The following SHANK1 variants were observed in gnomAD, a reference collection of about 807,000 sequenced individuals.
SHANK1 encodes the protein SH3 and multiple ankyrin repeat domains protein 1.
A neutral mutation model predicts 165.6 loss-of-function variants in SHANK1; 35 were observed. That is an observed-to-expected ratio of 0.21 (90% confidence interval 0.16 to 0.28). SHANK1 has a LOEUF of 0.28. Among genes scored for constraint, SHANK1 ranks in the 10% least tolerant of loss-of-function variants. The pLI is 1.00. For missense variants in SHANK1, 2,681 were observed against 3,036.4 expected, an observed-to-expected ratio of 0.88 and a Z score of 2.75; for synonymous variants, 1,428 against 1,384.8, an observed-to-expected ratio of 1.03 and a Z score of -0.69.
At chr19:50,663,045 G>GTAACCC in intron 23 of SHANK1, 1 of 305,040 alleles carries the variant, frequency 3.3e-6, no homozygotes, top group Non-Finnish European at 6.2e-6. Context: ...CCCCACGACA[G>GTAACCC]CCCTGATGCA....
Position 50,668,344 on chromosome 19 carries a change from G to A in SHANK1, c.3616C>T (p.Pro1206Ser). 1.6e-6 allele frequency: 2 copies of A among 1,262,782 alleles called. No individual in the cohort carries two copies. Among genetic ancestry groups the A allele is most frequent in the Non-Finnish European group, 9.9e-7 (1 of 1,005,594 alleles). The allele number at this position is 1,262,782 out of a possible 1,614,324, so 78.2% of individuals were successfully genotyped here. A position where few individuals can be genotyped will look rare whatever the true frequency, so the allele number is the denominator to read the frequency against. ...ACGGGCGAGGGGGACGGGGGCACGG[G>A]TGACATGGCCGGGGCGGGGCTGGGC... ...SSPSPAPAMSPVPPSPSPVPT... is the reference protein window; with the variant it reads ...SSPSPAPAMSSVPPSPSPVPT... The change falls in exon 23 of 24, where the codon CCC (proline) becomes TCC (serine). Residue 1206 changes from proline (P) to serine (S), a missense_variant. Physicochemically the swap from Pro to Ser is moderately conservative, Grantham distance 74. Around this residue, in one of 10 missense-constraint regions of SHANK1, gnomAD observed 1,713 missense variants for 1,630.2 expected, o/e 1.05. Transcript: ENST00000293441.
Position 50,702,692 on chromosome 19 carries a change from G to A in SHANK1, c.1554-32C>T. On this transcript the variant is annotated intron_variant, in intron 11 of 23. Transcript: ENST00000293441. The surrounding 1 kb of genome is among the most constrained non-coding windows in gnomAD (Gnocchi z 5.3). Reference sequence around the variant, plus strand: ...ACACAGAGGGCATGAGAGGAGGGGAGGGTGGAGGGAGGGGACACCTCTGGG... The same window carrying A: ...ACACAGAGGGCATGAGAGGAGGGGAAGGTGGAGGGAGGGGACACCTCTGGG... 6.8e-7 allele frequency: 1 copy of A among 1,475,936 alleles called. No homozygotes were observed. The highest frequency in any genetic ancestry group is 9.1e-7 in the Non-Finnish European group (1 of 1,094,994). The allele number at this position is 1,475,936 out of a possible 1,614,324, so 91.4% of individuals were successfully genotyped here. A position where few individuals can be genotyped will look rare whatever the true frequency, so the allele number is the denominator to read the frequency against.
chr19:50,710,804 G>A (rs762907644), intron 8 of SHANK1, among the ~76,000 whole-genome samples: 2 of 152,210 alleles, frequency 1.3e-5, no homozygotes, highest in Non-Finnish European at 1.5e-5. Flanking sequence ...CTGCCGTGCC[G>A]CCACGTGGCA....
At chr19:50,693,229 C>T (rs1374458851) in intron 15 of SHANK1, among the ~76,000 whole-genome samples, 1 of 145,734 alleles carries the variant, frequency 6.9e-6, no homozygotes, top group Admixed American at 6.8e-5. Context: ...AATACCCCCC[C>T]ACATTCCCTG....
chr19:50,689,100 G>T, intron 16 of SHANK1, 97 bp downstream of exon 16: 1 of 1,163,364 alleles, frequency 8.6e-7, no homozygotes, highest in Non-Finnish European at 1.3e-6. Flanking sequence ...GGGGTGGTGG[G>T]CGGGCTGGGG....
rs374626042 is a variant in SHANK1 at position 50,697,825 on chromosome 19, C to A, written c.1861+18G>T. The A allele has an allele frequency of 6.2e-7, 1 of 1,600,424 alleles. No individual in the cohort carries two copies. The highest frequency in any genetic ancestry group is 1.3e-5 in the African/African-American group (1 of 74,642). On this transcript the variant is annotated intron_variant, in intron 13 of 23. Transcript: ENST00000293441. The surrounding 1 kb of genome is among the most constrained non-coding windows in gnomAD (Gnocchi z 4.7). Reference sequence around the variant, plus strand: ...GAATCCTAGGGTCCATTGAACACTGCTGGGGGTTCCGCATTACCTTGCTTG... The same window carrying A: ...GAATCCTAGGGTCCATTGAACACTGATGGGGGTTCCGCATTACCTTGCTTG...
At chr19:50,707,950 TCTTTTCTTTTC>T (rs2123188510) in intron 8 of SHANK1, among the ~76,000 whole-genome samples, 1 of 114,666 alleles carries the variant, frequency 8.7e-6, no homozygotes, top group South Asian at 2.6e-4. Context: ...TCTTTTCTTT[TCTTTTCTTTTC>T]TTTTGAGATG....
intron 12 of SHANK1, among the ~76,000 whole-genome samples, chr19:50,700,567 T>C: frequency 6.6e-6 from 1 of 152,046 alleles, no homozygotes. Context: ...GCTGTGATTC[T>C]GAGAGTAGCA....
chr19:50,662,456 G>C lies in SHANK1; in HGVS notation c.5995C>G (p.Pro1999Ala). The change falls in exon 24 of 24, where the codon CCC becomes GCC. Residue 1999 changes from proline to alanine, a missense_variant. This residue lies in a region of SHANK1 where 1,713 missense variants were observed against 1,630.2 expected (regional missense o/e 1.05). Transcript: ENST00000293441. The surrounding 1 kb of genome is among the most constrained non-coding windows in gnomAD (Gnocchi z 7.7). Reference protein sequence around the residue: ...EMRPPLLRRAPSPSLLPASEH... With the variant: ...EMRPPLLRRAASPSLLPASEH... ...GAGGCGGGCAGCAGCGAGGGGCTGG[G>C]GGCCCGGCGGAGCAGAGGGGGCCGC... is the stretch of plus-strand genomic sequence containing the variant. 1.3e-6 allele frequency: 2 copies of C among 1,549,622 alleles called. No homozygotes were observed. Among genetic ancestry groups the C allele is most frequent in the Non-Finnish European group, 1.7e-6 (2 of 1,147,842 alleles).
Position 50,714,168 on chromosome 19 carries a change from G to T in SHANK1, c.640+14C>A, listed in dbSNP as rs200042833. On this transcript the variant is annotated intron_variant, in intron 5 of 23. Transcript: ENST00000293441. ...CCTGGCCCTGAGGTCCTCCTGATGC[G>T]CACCCCTCCCTACCTCCCGAATCCG... 1,270 of 1,609,492 alleles carry T rather than the reference G, an allele frequency of 7.9e-4. No homozygotes were observed. The highest frequency in any genetic ancestry group is 8.7e-4 in the Non-Finnish European group (1,029 of 1,176,040).
rs1986948083 is a variant in SHANK1 at position 50,702,439 on chromosome 19, G to GCCCAT, written c.1747+27_1747+28insATGGG. On this transcript the variant is annotated intron_variant, in intron 12 of 23. Coordinates refer to ENST00000293441, the MANE Select transcript of SHANK1 (RefSeq NM_016148.5). This position sits in a 1 kb window ranked among gnomAD's most constrained non-coding sequence, Gnocchi z 5.3. ...CTGATCGCCCCCACAGCCCAGCCCA[G>GCCCAT]CCCAGGCCCTGCTTCCACCCTGGGT... 6.3e-7 allele frequency: 1 copy of GCCCAT among 1,588,870 alleles called. No individual in the cohort carries two copies. The highest frequency in any genetic ancestry group is 1.3e-5 in the African/African-American group (1 of 74,660).
At chr19:50,680,594 C>A (rs755129375) in intron 21 of SHANK1, among the ~76,000 whole-genome samples, 3 of 151,976 alleles carry the variant, frequency 2.0e-5, no homozygotes, top group Non-Finnish European at 4.4e-5. Context: ...AGGTTATATG[C>A]AAAAGTGCAT....
intron 19 of SHANK1, chr19:50,687,167 C>T (rs977681832): frequency 1.9e-6 from 1 of 537,970 alleles, no homozygotes; most frequent in African/African-American, 2.0e-5. Context: ...TCCGACCAGC[C>T]CCCTGTCAGG....
chr19:50,666,805 C>G lies in SHANK1; in HGVS notation c.5155G>C (p.Ala1719Pro), dbSNP rs990941868. The change falls in exon 23 of 24, where the codon GCC becomes CCC. Residue 1719 changes from alanine (A) to proline (P), a missense_variant. Around this residue, in one of 10 missense-constraint regions of SHANK1, gnomAD observed 1,713 missense variants for 1,630.2 expected, o/e 1.05. Transcript: ENST00000293441. ...GTGTCCAGAAGCTCCGGCCCACTGG[C>G]CACACCGGCCCCAGCCCCGCCCCCA... Reference protein sequence around the residue: ...GGGGGAGAGVASGPELLDTYV... With the variant: ...GGGGGAGAGVPSGPELLDTYV... 4.5e-6 allele frequency: 7 copies of G among 1,549,590 alleles called. No homozygotes were observed. The highest frequency in any genetic ancestry group is 6.1e-6 in the Non-Finnish European group (7 of 1,147,670).
In SHANK1 at chr19:50,717,941, G is replaced by A. The variant is rs1186681764; in HGVS notation, c.-43-979C>T. On this transcript the variant is annotated intron_variant, in intron 1 of 23. Coordinates refer to ENST00000293441, the MANE Select transcript of SHANK1 (RefSeq NM_016148.5). The surrounding 1 kb of genome is among the most constrained non-coding windows in gnomAD (Gnocchi z 5.5). ...CTGTTCTCCCTTGAGGTGGCCTTAT[G>A]AGGGTGGAGCCCCTTCCAAATGGGG... is the stretch of plus-strand genomic sequence containing the variant. 6.6e-6 allele frequency among the ~76,000 whole-genome samples: 1 copy of A among 151,990 alleles called. No homozygotes were observed. Among genetic ancestry groups the A allele is most frequent in the Non-Finnish European group, 1.5e-5 (1 of 67,984 alleles).
In SHANK1 at chr19:50,719,736, GCC is replaced by G. The variant is rs1184357885; in HGVS notation, c.-376_-375del. On this transcript the variant is annotated 5_prime_UTR_variant, in exon 1 of 24. Coordinates refer to ENST00000293441, the MANE Select transcript of SHANK1 (RefSeq NM_016148.5). The stretch of plus-strand genomic sequence containing the variant: ...TCTTCCTCCTCCTCTTCCTCGGGCC[GCC>G]GCCGCCGCCGCCCGCTCCGCGCCTC... Among the ~76,000 whole-genome samples the G allele has an allele frequency of 1.1e-4, 17 of 149,566 alleles. No individual in the cohort carries two copies. The highest frequency in any genetic ancestry group is 4.2e-4 in the African/African-American group (17 of 40,670).
intron 15 of SHANK1, among the ~76,000 whole-genome samples, chr19:50,696,646 C>G (rs1361512655): frequency 6.6e-6 from 1 of 152,060 alleles, no homozygotes; most frequent in Non-Finnish European, 1.5e-5. Context: ...CCCCCAACAT[C>G]CCAGGTCCTG....
chr19:50,667,382 G>T lies in SHANK1; in HGVS notation c.4578C>A (p.Ser1526=). ...TCGGGGAGGTCGGGGAGGGGGGCAC[G>T]GACCGGCGTGGGCTGGGCGGCGGGA... ...PGVPPPSPRR[S]VPPSPTSPRA... The change falls in exon 23 of 24, where the codon TCC becomes TCA. Residue 1526 remains serine (S), a synonymous_variant. Transcript: ENST00000293441. The surrounding 1 kb of genome is among the most constrained non-coding windows in gnomAD (Gnocchi z 5.7). 6.5e-7 allele frequency: 1 copy of T among 1,529,100 alleles called. No individual in the cohort carries two copies. The highest frequency in any genetic ancestry group is 8.8e-7 in the Non-Finnish European group (1 of 1,142,184). 94.7% of individuals were successfully genotyped at this position (1,529,100 alleles called of 1,614,324 possible).
intron 21 of SHANK1, among the ~76,000 whole-genome samples, chr19:50,674,859 C>A (rs143834865): frequency 6.6e-6 from 1 of 151,924 alleles, no homozygotes; most frequent in African/African-American, 2.4e-5. Flanking sequence ...GTCAGGAGTT[C>A]GAAACCAGCC....
Sources: allele counts gnomAD v4.1 joint callset (sites outside exome capture counted in the v4.1 genomes callset), GRCh38; gene constraint gnomAD v4.1.1; regional missense constraint gnomAD v4.1.1; non-coding constraint Gnocchi (gnomAD v3.1); transcripts MANE v1.5; gene names NCBI Gene and HGNC (gene_info 2026-07-23, HGNC 2026-07-21).